Variants in ZAN observed in about 807,000 individuals in gnomAD.
ZAN encodes zonadhesin (gene/pseudogene).
ZAN carries 260 observed loss-of-function variants against 286.2 expected under a neutral mutation model. That is an observed-to-expected ratio of 0.91 (90% CI 0.82 to 1.01). The LOEUF is 1.01. Ranked by LOEUF, ZAN falls within the 50% of genes least tolerant of loss-of-function variation. The pLI is 0.00. For missense variants in ZAN, 3,410 were observed against 3,639.2 expected (o/e 0.94, Z 1.62); for synonymous variants, 1,368 against 1,417.5 (o/e 0.97, Z 0.79).
intron 38 of ZAN, among the ~76,000 whole-genome samples, 186 bp downstream of exon 38, chr7:100,788,322 G>C (rs972312128): frequency 1.3e-5 from 2 of 152,064 alleles, no homozygotes; most frequent in African/African-American, 2.4e-5. Context: ...AGGCTAAGAC[G>C]GGAGGATCAC....
At chr7:100,782,028 T>C (rs1411138188) in intron 35 of ZAN, among the ~76,000 whole-genome samples, 4 of 152,308 alleles carry the variant, frequency 2.6e-5, no homozygotes, top group Non-Finnish European at 5.9e-5. Context: ...TGAATTTCCC[T>C]TTCTGTAAAC....
At chr7:100,753,832 T>TAAAAA (rs59347418) in intron 14 of ZAN, among the ~76,000 whole-genome samples, 8 of 73,166 alleles carry the variant, frequency 1.1e-4, no homozygotes, top group Admixed American at 1.8e-4. Flanking sequence ...GACATCGTCC[T>TAAAAA]AAAAAAAAAA....
intron 45 of ZAN, among the ~76,000 whole-genome samples, 189 bp downstream of exon 45, chr7:100,795,525 TATTA>T (rs1047412066): frequency 2.2e-4 from 33 of 149,442 alleles, no homozygotes; most frequent in African/African-American, 5.9e-4. Flanking sequence ...ATATCTTGTA[TATTA>T]ATTATCTATT....
At chr7:100,793,413 C>T (rs930290299) in intron 42 of ZAN, among the ~76,000 whole-genome samples, 1 of 152,024 alleles carries the variant, frequency 6.6e-6, no homozygotes, top group African/African-American at 2.4e-5. Flanking sequence ...TAGCTTCCTG[C>T]CTATATGCAA....
chr7:100,748,014 C>T (rs1808349912), intron 9 of ZAN, 123 bp from the exon 10 acceptor site: 2 of 704,262 alleles, frequency 2.8e-6, no homozygotes, highest in South Asian at 3.6e-5. Flanking sequence ...AAAGAAAGAA[C>T]TGAATTGAGG....
chr7:100,794,194 G>C lies in ZAN; in HGVS notation c.8061G>C (p.Glu2687Asp), dbSNP rs779505881. 1.3e-5 allele frequency: 21 copies of C among 1,613,848 alleles called. No homozygotes were observed. The highest frequency in any genetic ancestry group is 1.6e-5 in the Non-Finnish European group (19 of 1,179,884). ...TCASSRILLC[E>D]PFSCRAGEVC... ...CCAGCTCACGGATCCTGCTGTGTGA[G>C]CCCTTCAGCTGCAGAGCGGGGGAGG... The change falls in exon 44 of 48, where the codon GAG becomes GAC. Residue 2687 changes from glutamate (E) to aspartate (D), a missense_variant. Glu to Asp is a conservative substitution (Grantham distance 45, BLOSUM62 2). Transcript: ENST00000613979.
chr7:100,750,059 A>AAC (rs373704697), intron 11 of ZAN, among the ~76,000 whole-genome samples: 20,316 of 122,088 alleles, frequency 0.17, 1,540 homozygotes, highest in Non-Finnish European at 0.19. Flanking sequence ...TCAAAAAAAC[A>AAC]ACACACACAC....
At chr7:100,735,691 A>G in intron 2 of ZAN, 29 bp from the exon 3 acceptor site, 1 of 1,473,414 alleles carries the variant, frequency 6.8e-7, no homozygotes, top group Non-Finnish European at 9.3e-7. Flanking sequence ...CACGAGTTGC[A>G]TTTTTGCTTT....
chr7:100,768,140 A>C (rs1810129366), intron 26 of ZAN, 129 bp downstream of exon 26: 4 of 1,226,144 alleles, frequency 3.3e-6, no homozygotes, highest in Non-Finnish European at 4.4e-6. Context: ...TGAGGACATT[A>C]GGCATGAAGG....
At position 100,736,948 on chromosome 7, in the gene ZAN, G is replaced by T. The variant is rs757715068; in HGVS notation, c.393G>T (p.Gln131His). ...HHMFGLSWGA[Q>H]LRLLLLSGEE... ...TGTTCGGGCTGTCTTGGGGCGCCCA[G>T]CTCAGGCTGCTGCTGCTCTCGGGTG... is the stretch of plus-strand genomic sequence containing the variant. The change falls in exon 5 of 48, where the codon CAG becomes CAT. Residue 131 changes from glutamine to histidine, a missense_variant. Around this residue, in one of 7 missense-constraint regions of ZAN, gnomAD observed 872 missense variants for 938.9 expected, o/e 0.93. Transcript: ENST00000613979. 2 of 1,503,212 alleles carry T rather than the reference G, an allele frequency of 1.3e-6. 1 individual carries two copies. The highest frequency in any genetic ancestry group is 3.4e-4 in the Middle Eastern group (2 of 5,934). The allele number at this position is 1,503,212 out of a possible 1,614,324, so 93.1% of individuals were successfully genotyped here.
chr7:100,790,929 C>G lies in ZAN; in HGVS notation c.7358-13C>G, dbSNP rs781398358. 6.3e-7 allele frequency: 1 copy of G among 1,596,588 alleles called. No individual in the cohort carries two copies. Among genetic ancestry groups the G allele is most frequent in the African/African-American group, 1.3e-5 (1 of 74,300 alleles). ...GAGGAGTCTCACTTCTGGGGACCCC[C>G]TTCCTCCCGCAGTGATCTCCCTACC... On this transcript the variant is annotated splice_polypyrimidine_tract_variant and intron_variant, in intron 39 of 47. Coordinates refer to ENST00000613979, the MANE Select transcript of ZAN (RefSeq NM_003386.3).
intron 35 of ZAN, among the ~76,000 whole-genome samples, chr7:100,783,233 A>G (rs2116248236): frequency 6.6e-6 from 1 of 152,240 alleles, no homozygotes; most frequent in Non-Finnish European, 1.5e-5. Context: ...GTGCCATTGC[A>G]CTCCAGCCAG....
At position 100,773,794 on chromosome 7, in the gene ZAN, G is replaced by A. The variant is rs12673041; in HGVS notation, c.5708G>A (p.Cys1903Tyr). The change falls in exon 31 of 48, where the codon TGC becomes TAC. Residue 1903 changes from cysteine (C) to tyrosine (Y), a missense_variant. By Grantham distance (194) the Cys-to-Tyr change is radical. Coordinates refer to ENST00000613979, the MANE Select transcript of ZAN (RefSeq NM_003386.3). ...CTCSVHNNIT[C>Y]FQSTCKPNQI... ...TGCTCCGTCCACAACAACATCACCT[G>A]CTTCCAGAGCACCTGCAAACCCAAC... The A allele has an allele frequency of 0.05, 81,093 of 1,612,334 alleles. 3,113 individuals are homozygous for A. Among genetic ancestry groups the A allele is most frequent in the African/African-American group, 0.16 (11,842 of 74,966 alleles).
intron 29 of ZAN, among the ~76,000 whole-genome samples, chr7:100,772,777 T>TGC (rs1425061589): frequency 1.4e-5 from 2 of 147,784 alleles, no homozygotes; most frequent in Non-Finnish European, 3.0e-5. Flanking sequence ...CCCAAGATCA[T>TGC]GCCACTGCAC....
At chr7:100,761,947 GATAA>G (rs113604904) in intron 19 of ZAN, among the ~76,000 whole-genome samples, 10,540 of 148,006 alleles carry the variant, frequency 0.071, 681 homozygotes, top group African/African-American at 0.18. Context: ...TGAAAAAAAG[GATAA>G]ATAAATAAAT....
chr7:100,761,333 A>G (rs952989603), intron 19 of ZAN, among the ~76,000 whole-genome samples: 2 of 151,992 alleles, frequency 1.3e-5, no homozygotes, highest in African/African-American at 4.8e-5. Flanking sequence ...GTGAGACCAT[A>G]TCTCCACAAA....
Position 100,775,434 on chromosome 7 carries a change from C to G in ZAN, c.5886C>G (p.His1962Gln). The G allele has an allele frequency of 6.2e-7, 1 of 1,613,956 alleles. No individual in the cohort carries two copies. Among genetic ancestry groups the G allele is most frequent in the East Asian group, 2.2e-5 (1 of 44,874 alleles). Residue 1962 changes from histidine (H) to glutamine (Q), a missense_variant, in exon 32 of 48, where the codon CAC (histidine) becomes CAG (glutamine). Coordinates refer to ENST00000613979, the MANE Select transcript of ZAN (RefSeq NM_003386.3). ...CTCTTGTCCTGGTGAAAGTGTGCCA[C>G]CCCGCCATGGCCTTGCCCTTCTTCA... ...ACTLVLVKVC[H>Q]PAMALPFFKI...
Position 100,760,324 on chromosome 7 carries a change from GA to G in ZAN, c.3697-64del. ...TGTCCTGCCTCCCAGCTATGGAAATGAAAGTCTGCTGGGGTCCTCCTTGACC... is the reference window on the plus strand; with the variant it reads ...TGTCCTGCCTCCCAGCTATGGAAATGAAGTCTGCTGGGGTCCTCCTTGACC... On this transcript the variant is annotated intron_variant, in intron 18 of 47. Transcript: ENST00000613979. 7 of 1,579,472 alleles carry G rather than the reference GA, an allele frequency of 4.4e-6. No homozygotes were observed. The South Asian group carries it at 7.9e-5, about 18-fold the overall frequency.
intron 27 of ZAN, 133 bp from the exon 28 acceptor site, chr7:100,769,747 A>T: frequency 1.4e-6 from 1 of 713,676 alleles, no homozygotes; most frequent in South Asian, 1.8e-5. Context: ...GGATCTCACT[A>T]TGTTGCCCAG....
Sources: gnomAD v4.1 joint callset for allele counts (sites outside exome capture counted in the v4.1 genomes callset) on GRCh38, gnomAD v4.1.1 for gene constraint, gnomAD v4.1.1 regional missense constraint, MANE v1.5 for transcripts, NCBI Gene and HGNC (gene_info 2026-07-23, HGNC 2026-07-21) for gene names.